Variants in FBXL2 observed in about 807,000 individuals in gnomAD.
FBXL2 encodes F-box/LRR-repeat protein 2.
In FBXL2, 38 loss-of-function variants were observed where a neutral mutation model predicts 69.2. The observed-to-expected ratio is 0.55, with a 90% CI of 0.42 to 0.72. The LOEUF (loss-of-function observed/expected upper bound fraction) is 0.72. Among genes scored for constraint, FBXL2 ranks in the 30% least tolerant of loss-of-function variants. The probability of loss-of-function intolerance (pLI) is 0.00; values close to 1 mark genes in which losing one functional copy is unlikely to be tolerated. For synonymous variants in FBXL2, 192 were observed against 201.3 expected, an observed-to-expected ratio of 0.95 and a Z score of 0.39; for missense variants, 354 against 520.3, an observed-to-expected ratio of 0.68 and a Z score of 3.11.
chr3:33,395,670 C>A (rs1260695656), intron 12 of FBXL2, among the ~76,000 whole-genome samples: 1 of 142,734 alleles, frequency 7.0e-6, no homozygotes, highest in Non-Finnish European at 1.5e-5. Context: ...CAAGTCCACA[C>A]ACTTAGGACT....
At chr3:33,408,293 C>T (rs1368181331), downstream of FBXL2, among the ~76,000 whole-genome samples, 1 of 152,000 alleles carries the variant, frequency 6.6e-6, no homozygotes, top group Non-Finnish European at 1.5e-5. Context: ...AAAGCAAGAC[C>T]CTTTTCAGTT....
chr3:33,314,080 A>G (rs962483811), intron 2 of FBXL2, among the ~76,000 whole-genome samples: 10 of 152,048 alleles, frequency 6.6e-5, no homozygotes, highest in Middle Eastern at 6.8e-3. Flanking sequence ...TATTGTTTAT[A>G]TATCCTTGAT....
intron 2 of FBXL2, among the ~76,000 whole-genome samples, chr3:33,330,539 A>G (rs780211444): frequency 6.6e-6 from 1 of 152,188 alleles, no homozygotes; most frequent in Non-Finnish European, 1.5e-5. Flanking sequence ...ATATTTAAGG[A>G]GATGAATATC....
intron 2 of FBXL2, among the ~76,000 whole-genome samples, chr3:33,312,083 G>T (rs916304720): frequency 6.6e-6 from 1 of 151,936 alleles, no homozygotes; most frequent in African/African-American, 2.4e-5. Flanking sequence ...TTGAGACAGG[G>T]TCTCACTTTG....
intron 5 of FBXL2, 36 bp downstream of exon 5, chr3:33,364,755 T>C (rs1192829114): frequency 1.3e-6 from 2 of 1,533,922 alleles, no homozygotes; most frequent in Admixed American, 1.7e-5. Context: ...TCATGGCAGC[T>C]TGTAGCATTT....
chr3:33,316,444 G>A (rs1239251917), intron 2 of FBXL2, among the ~76,000 whole-genome samples: 2 of 152,118 alleles, frequency 1.3e-5, no homozygotes, highest in Non-Finnish European at 2.9e-5. Flanking sequence ...GGTAGCTTTG[G>A]CAGTTGTTTT....
In FBXL2 at chr3:33,378,750, G is replaced by C. The variant is rs778625384; in HGVS notation, c.951+9G>C. On this transcript the variant is annotated intron_variant, in intron 13 of 14. Coordinates refer to ENST00000484457, the MANE Select transcript of FBXL2 (RefSeq NM_012157.5). ...CTAAACTGCAAGCCCTGGTGAGTCT[G>C]AGTTTTTCTGACATTATTCACCTGT... The C allele has an allele frequency of 6.2e-7, 1 of 1,614,072 alleles. No homozygotes were observed. Among genetic ancestry groups the C allele is most frequent in the South Asian group, 1.1e-5 (1 of 91,068 alleles).
chr3:33,372,934 C>T (rs909727671), intron 5 of FBXL2, 158 bp from the exon 6 acceptor site: 1 of 681,530 alleles, frequency 1.5e-6, no homozygotes, highest in Non-Finnish European at 2.7e-6. Flanking sequence ...CATTCTAGAT[C>T]TATCATCAGA....
At chr3:33,364,944 G>T (rs2041858273) in intron 5 of FBXL2, among the ~76,000 whole-genome samples, 1 of 152,122 alleles carries the variant, frequency 6.6e-6, no homozygotes, top group East Asian at 1.9e-4. Context: ...CCCCGGCCGA[G>T]TGTCAGTTCT....
At chr3:33,415,860 C>T in the FBXL2 span, 1 of 152,142 alleles carries the variant, frequency 6.6e-6, no homozygotes, top group Non-Finnish European at 1.5e-5. Context: ...CCTTTGGTAA[C>T]CCATCATTTG....
At chr3:33,320,966 G>T (rs1486357969) in intron 2 of FBXL2, among the ~76,000 whole-genome samples, 1 of 151,928 alleles carries the variant, frequency 6.6e-6, no homozygotes, top group Non-Finnish European at 1.5e-5. Context: ...AGAATTTATG[G>T]AATTTATAAA....
Position 33,339,502 on chromosome 3 carries a change from G to A in FBXL2, c.66-19465G>A, listed in dbSNP as rs1366791652. ...TAAATAAGTGAGAACTAAACATTGA[G>A]CATATGTGGACACAGAAAAGGAAAC... is the stretch of plus-strand genomic sequence containing the variant. On this transcript the variant is annotated intron_variant, in intron 2 of 14. Coordinates refer to ENST00000484457, the MANE Select transcript of FBXL2 (RefSeq NM_012157.5). Among the ~76,000 whole-genome samples the A allele has an allele frequency of 2.0e-5, 3 of 152,144 alleles. No individual in the cohort carries two copies. The East Asian group carries it at 5.8e-4, about 29-fold the overall frequency.
intron 1 of FBXL2, among the ~76,000 whole-genome samples, chr3:33,296,099 T>C (rs926715173): frequency 2.0e-5 from 3 of 152,196 alleles, no homozygotes; most frequent in African/African-American, 7.2e-5. Flanking sequence ...AGGGTCTTGC[T>C]TTGTAACCCA....
At chr3:33,362,281 T>C (rs2041678834) in intron 4 of FBXL2, among the ~76,000 whole-genome samples, 1 of 152,214 alleles carries the variant, frequency 6.6e-6, no homozygotes. Flanking sequence ...GTCTTCATGG[T>C]TATTGAAGAT....
intron 12 of FBXL2, chr3:33,393,460 ATT>A: frequency 1.9e-6 from 3 of 1,589,948 alleles, no homozygotes; most frequent in Middle Eastern, 1.7e-4. Context: ...ATAAACTGAA[ATT>A]AAAAAAAAAA....
chr3:33,342,397 A>G (rs1447234264), intron 2 of FBXL2, among the ~76,000 whole-genome samples: 1 of 151,522 alleles, frequency 6.6e-6, no homozygotes, highest in African/African-American at 2.4e-5. Flanking sequence ...GATAAAGAAG[A>G]AAAAACATTA....
intron 2 of FBXL2, among the ~76,000 whole-genome samples, chr3:33,324,846 A>C (rs1381785437): frequency 2.0e-5 from 3 of 152,192 alleles, no homozygotes; most frequent in Non-Finnish European, 4.4e-5. Context: ...GAAGAAAGTC[A>C]GTGGTGGCTT....
chr3:33,384,233 T>A, intron 14 of FBXL2, 32 bp downstream of exon 14: 2 of 1,594,694 alleles, frequency 1.3e-6, no homozygotes, highest in South Asian at 1.1e-5. Context: ...CAGTCACACC[T>A]GACATTTCTA....
intron 13 of FBXL2, among the ~76,000 whole-genome samples, chr3:33,379,755 C>T (rs2042904753): frequency 6.6e-6 from 1 of 150,410 alleles, no homozygotes; most frequent in African/African-American, 2.4e-5. Flanking sequence ...GTATCTGTAA[C>T]AAAATATTAG....
Sources: gnomAD v4.1 joint callset for allele counts (sites outside exome capture counted in the v4.1 genomes callset) on GRCh38, gnomAD v4.1.1 for gene constraint, MANE v1.5 for transcripts, NCBI Gene and HGNC (gene_info 2026-07-23, HGNC 2026-07-21) for gene names.